The following SLC24A2 variants were observed in gnomAD, a reference collection of about 807,000 sequenced individuals.
SLC24A2 encodes sodium/potassium/calcium exchanger 2.
SLC24A2 carries 36 observed loss-of-function variants against 62.0 expected under a neutral mutation model. The observed-to-expected ratio is 0.58, with a 90% confidence interval of 0.44 to 0.77. The LOEUF is 0.77. Ranked by LOEUF, SLC24A2 falls within the 30% of genes least tolerant of loss-of-function variation. The pLI, the probability that SLC24A2 is intolerant of heterozygous loss-of-function variation, is 0.00. For synonymous variants in SLC24A2, 358 were observed against 294.0 expected (o/e 1.22, Z -2.23); for missense variants, 846 against 817.9 (o/e 1.03, Z -0.42).
At chr9:19,761,478 TTTTA>T (rs1210424513) in intron 2 of SLC24A2, among the ~76,000 whole-genome samples, 5 of 151,544 alleles carry the variant, frequency 3.3e-5, no homozygotes, top group African/African-American at 4.8e-5. Flanking sequence ...TTTTATTTTA[TTTTA>T]TTTTATTTTA....
At chr9:19,960,308 T>C in the SLC24A2 span, among the ~76,000 whole-genome samples, 1 of 152,176 alleles carries the variant, frequency 6.6e-6, no homozygotes. Flanking sequence ...TTCCCTTCCA[T>C]TTACTTTTCT....
At chr9:19,643,001 T>G (rs1818547501) in intron 2 of SLC24A2, among the ~76,000 whole-genome samples, 3 of 150,046 alleles carry the variant, frequency 2.0e-5, no homozygotes, top group Admixed American at 2.0e-4. Context: ...TTTTTTTTTT[T>G]TTTTTTTAAC....
Position 19,528,141 on chromosome 9 carries a change from G to A in SLC24A2, c.1480-3C>T, listed in dbSNP as rs1190149050. 2.6e-6 allele frequency: 4 copies of A among 1,560,248 alleles called. No homozygotes were observed. The Admixed American group carries it at 5.5e-5, about 21-fold the overall frequency. On this transcript the variant is annotated splice_polypyrimidine_tract_variant and splice_region_variant and intron_variant, in intron 8 of 10. Coordinates refer to ENST00000341998, the MANE Select transcript of SLC24A2 (RefSeq NM_020344.4). ...ATGGGAAAAAACTTCCTCGATGACT[G>A]AAAGACAACCAGGAAGAGTTGAGAA...
chr9:20,194,140 T>C, the SLC24A2 span, among the ~76,000 whole-genome samples: 10 of 152,094 alleles, frequency 6.6e-5, no homozygotes, highest in African/African-American at 2.4e-4. Context: ...AGTAGAACTC[T>C]GGACAAATCA....
the SLC24A2 span, among the ~76,000 whole-genome samples, chr9:19,870,792 T>C: frequency 6.6e-6 from 1 of 152,158 alleles, no homozygotes; most frequent in Non-Finnish European, 1.5e-5. Flanking sequence ...TTATTGGCCA[T>C]TTGTATATCT....
At chr9:19,856,423 T>C in the SLC24A2 span, among the ~76,000 whole-genome samples, 1 of 152,298 alleles carries the variant, frequency 6.6e-6, no homozygotes, top group East Asian at 1.9e-4. Context: ...CTTCATGAGC[T>C]TATCTACCTT....
intron 2 of SLC24A2, among the ~76,000 whole-genome samples, chr9:19,654,211 T>A (rs1818879518): frequency 5.3e-5 from 8 of 152,142 alleles, no homozygotes. Context: ...TAGCCTTTGA[T>A]ATCCCGCTCT....
chr9:20,201,427 C>T, the SLC24A2 span, among the ~76,000 whole-genome samples: 1 of 152,252 alleles, frequency 6.6e-6, no homozygotes, highest in Non-Finnish European at 1.5e-5. Context: ...GACCTGGCTC[C>T]TGTCCACTTC....
At chr9:20,015,738 T>A in the SLC24A2 span, among the ~76,000 whole-genome samples, 2 of 152,232 alleles carry the variant, frequency 1.3e-5, no homozygotes, top group African/African-American at 4.8e-5. Context: ...TGGTGGATAA[T>A]GATAGCAGAG....
chr9:19,933,881 A>G, the SLC24A2 span, among the ~76,000 whole-genome samples: 1 of 152,222 alleles, frequency 6.6e-6, no homozygotes, highest in East Asian at 1.9e-4. Context: ...AGCCACATGT[A>G]GTATGATTCC....
the SLC24A2 span, among the ~76,000 whole-genome samples, chr9:20,028,757 C>T: frequency 1.3e-5 from 2 of 152,198 alleles, no homozygotes; most frequent in Non-Finnish European, 2.9e-5. Context: ...CCTGTCTGTC[C>T]TCCTCCTTTG....
the SLC24A2 span, among the ~76,000 whole-genome samples, chr9:20,301,941 T>C: frequency 6.6e-6 from 1 of 151,958 alleles, no homozygotes; most frequent in Non-Finnish European, 1.5e-5. Context: ...CCATTGGTCT[T>C]TTTACTGTCT....
the SLC24A2 span, among the ~76,000 whole-genome samples, chr9:20,191,161 CTTT>C: frequency 4.8e-5 from 7 of 144,404 alleles, no homozygotes; most frequent in Admixed American, 1.4e-4. Flanking sequence ...TTTTCCGGAC[CTTT>C]TTTTTTTTTT....
the SLC24A2 span, among the ~76,000 whole-genome samples, chr9:19,876,474 C>T: frequency 2.6e-5 from 4 of 151,978 alleles, no homozygotes; most frequent in African/African-American, 9.7e-5. Flanking sequence ...TGAAGACCCT[C>T]TGGCTGAATT....
the SLC24A2 span, among the ~76,000 whole-genome samples, chr9:20,020,557 A>G: frequency 6.6e-6 from 1 of 151,854 alleles, no homozygotes; most frequent in Admixed American, 6.6e-5. Context: ...AACATCACAC[A>G]CTGGGGCCTG....
At chr9:20,224,126 T>C in the SLC24A2 span, among the ~76,000 whole-genome samples, 1,016 of 152,104 alleles carry the variant, frequency 6.7e-3, 14 homozygotes, top group African/African-American at 0.023. Context: ...CACATGGGGA[T>C]TACAATTCAA....
the SLC24A2 span, among the ~76,000 whole-genome samples, chr9:20,050,936 G>C: frequency 6.6e-6 from 1 of 151,182 alleles, no homozygotes; most frequent in African/African-American, 2.4e-5. Context: ...AAGAAAACTA[G>C]AAAAAAAGTT....
the SLC24A2 span, among the ~76,000 whole-genome samples, chr9:20,086,894 C>G: frequency 6.6e-6 from 1 of 152,194 alleles, no homozygotes; most frequent in Non-Finnish European, 1.5e-5. Flanking sequence ...GCCACACTTA[C>G]AAGAGGTTAT....
rs752158520 is a variant in SLC24A2 at position 19,619,695 on chromosome 9, G to A, written c.970-3C>T. 7.5e-6 allele frequency: 12 copies of A among 1,609,716 alleles called. No individual in the cohort carries two copies. The highest frequency in any genetic ancestry group is 2.2e-5 in the East Asian group (1 of 44,848). On this transcript the variant is annotated splice_region_variant and splice_polypyrimidine_tract_variant and intron_variant, in intron 3 of 10. Coordinates refer to ENST00000341998, the MANE Select transcript of SLC24A2 (RefSeq NM_020344.4). Reference sequence around the variant, plus strand: ...CCTCGCTGGAGACGCGGCTTAGCCTGAGCAGAGAAACCAAAGAGATGGTTA... The same window carrying A: ...CCTCGCTGGAGACGCGGCTTAGCCTAAGCAGAGAAACCAAAGAGATGGTTA...
Sources: allele counts gnomAD v4.1 joint callset (sites outside exome capture counted in the v4.1 genomes callset), GRCh38; gene constraint gnomAD v4.1.1; transcripts MANE v1.5; gene names NCBI Gene and HGNC (gene_info 2026-07-23, HGNC 2026-07-21).